The following TSPEAR variants were observed in gnomAD, a reference collection of about 807,000 sequenced individuals.
TSPEAR encodes thrombospondin-type laminin G domain and EAR repeat-containing protein.
Under a neutral mutation model 71.6 loss-of-function variants are expected in TSPEAR, and 69 were observed. The observed-to-expected ratio is 0.96, with a 90% CI of 0.79 to 1.18. TSPEAR has a LOEUF of 1.18. TSPEAR is among the 50% of genes most tolerant of loss of function. TSPEAR has a pLI of 0.00. For synonymous variants in TSPEAR, 402 were observed against 387.2 expected (o/e 1.04, Z -0.45); for missense variants, 971 against 894.9 (o/e 1.09, Z -1.09).
intron 1 of TSPEAR, among the ~76,000 whole-genome samples, chr21:44,709,213 T>G (rs532365115): frequency 6.6e-6 from 1 of 151,410 alleles, no homozygotes; most frequent in South Asian, 2.1e-4. Flanking sequence ...GTGAAGTGGG[T>G]TGCTCTGAAT....
At chr21:44,657,992 A>G (rs781836775) in intron 1 of TSPEAR, 1 of 1,613,282 alleles carries the variant, frequency 6.2e-7, no homozygotes, top group East Asian at 2.2e-5. Flanking sequence ...GTGCCACACC[A>G]GCTGCTCCCC....
chr21:44,508,024 A>G (rs781844810), intron 10 of TSPEAR: 5 of 152,212 alleles, frequency 3.3e-5, no homozygotes, highest in African/African-American at 4.8e-5. Flanking sequence ...TAACATTGTC[A>G]TCCTTTGTAA....
intron 2 of TSPEAR, among the ~76,000 whole-genome samples, chr21:44,541,856 G>A (rs1392280660): frequency 6.6e-6 from 1 of 152,208 alleles, no homozygotes; most frequent in Non-Finnish European, 1.5e-5. Flanking sequence ...AGAAACAAAA[G>A]TGATCTCTTC....
chr21:44,709,469 C>A (rs1988104661), intron 1 of TSPEAR, among the ~76,000 whole-genome samples: 2 of 152,238 alleles, frequency 1.3e-5, no homozygotes, highest in Non-Finnish European at 2.9e-5. Context: ...CAAATGAGTC[C>A]TAGAAAGCGA....
intron 2 of TSPEAR, chr21:44,540,113 C>G (rs782657500): frequency 6.2e-7 from 1 of 1,613,712 alleles, no homozygotes. Flanking sequence ...GGAGTCGGAG[C>G]AAGCGCTGGA....
At chr21:44,521,624 C>T (rs587756544) in intron 9 of TSPEAR, among the ~76,000 whole-genome samples, 2 of 152,344 alleles carry the variant, frequency 1.3e-5, no homozygotes, top group East Asian at 1.9e-4. Flanking sequence ...AGCCAGGGTG[C>T]GCCTCCTGCC....
chr21:44,694,764 G>A (rs1388299252), intron 1 of TSPEAR, among the ~76,000 whole-genome samples: 1 of 152,178 alleles, frequency 6.6e-6, no homozygotes, highest in Non-Finnish European at 1.5e-5. Flanking sequence ...TGCACACAAG[G>A]CTGCAGGTTG....
chr21:44,538,666 G>A (rs760543214), intron 2 of TSPEAR, among the ~76,000 whole-genome samples: 2 of 152,162 alleles, frequency 1.3e-5, no homozygotes, highest in Non-Finnish European at 2.9e-5. Context: ...GCAGCTTCCC[G>A]GAAGGTGACC....
At chr21:44,502,024 C>T (rs1482959030) in intron 11 of TSPEAR, among the ~76,000 whole-genome samples, 1 of 152,190 alleles carries the variant, frequency 6.6e-6, no homozygotes, top group Non-Finnish European at 1.5e-5. Context: ...AGCTTAAAGA[C>T]AGGCAATTGG....
chr21:44,636,190 G>A (rs1555936628), intron 1 of TSPEAR, among the ~76,000 whole-genome samples: 1 of 152,202 alleles, frequency 6.6e-6, no homozygotes, highest in Non-Finnish European at 1.5e-5. Context: ...TGGATGCTGA[G>A]CTGAGCTGAG....
At chr21:44,544,885 T>G (rs2053276161) in intron 2 of TSPEAR, among the ~76,000 whole-genome samples, 1 of 152,082 alleles carries the variant, frequency 6.6e-6, no homozygotes, top group Admixed American at 6.5e-5. Flanking sequence ...ATCAAGAAGA[T>G]ATACCAATTG....
intron 1 of TSPEAR, among the ~76,000 whole-genome samples, chr21:44,621,984 G>C (rs1217893106): frequency 6.6e-6 from 1 of 151,766 alleles, no homozygotes; most frequent in Non-Finnish European, 1.5e-5. Context: ...ATTTTTTTTG[G>C]TCCCTTTACA....
chr21:44,575,524 G>A (rs985299265), intron 1 of TSPEAR, among the ~76,000 whole-genome samples: 5 of 152,238 alleles, frequency 3.3e-5, no homozygotes, highest in East Asian at 1.9e-4. Flanking sequence ...GGACATGGAC[G>A]CGGGGAGCCT....
At chr21:44,594,367 T>C (rs1980214975) in intron 1 of TSPEAR, among the ~76,000 whole-genome samples, 1 of 152,158 alleles carries the variant, frequency 6.6e-6, no homozygotes, top group Admixed American at 6.5e-5. Context: ...TGTGACCCCA[T>C]AGTACTCAGG....
chr21:44,506,018 C>A lies in TSPEAR; in HGVS notation c.1755-1137G>T, dbSNP rs140155372. ...GTGCTGTGGCCTCTGTGCCTGGTTT[C>A]TTCTCTCAGCATTGTGTCTTCAGCT... On this transcript the variant is annotated intron_variant, in intron 10 of 11. Coordinates refer to ENST00000323084, the MANE Select transcript of TSPEAR (RefSeq NM_144991.3). The surrounding 1 kb of genome is among the most constrained non-coding windows in gnomAD (Gnocchi z 4.2). Among the ~76,000 whole-genome samples the A allele has an allele frequency of 6.6e-6, 1 of 152,334 alleles. No homozygotes were observed. The highest frequency in any genetic ancestry group is 1.9e-4 in the East Asian group (1 of 5,174).
intron 4 of TSPEAR, 112 bp from the exon 5 acceptor site, chr21:44,530,066 G>C (rs1451709536): frequency 8.8e-7 from 1 of 1,139,168 alleles, no homozygotes; most frequent in Non-Finnish European, 1.2e-6. Flanking sequence ...CGGGTGGATG[G>C]AATCTAAGCT....
At position 44,654,452 on chromosome 21, in the gene TSPEAR, AG is replaced by A. The variant is rs1387904887; in HGVS notation, c.82+56980del. On this transcript the variant is annotated intron_variant, in intron 1 of 11. Coordinates refer to ENST00000323084, the MANE Select transcript of TSPEAR (RefSeq NM_144991.3). Reference sequence around the variant, plus strand: ...GGCACACAGCAGGCTGGCTGGCAGCAGGTGGATACCCCACACAGGGGCCGGC... The same window carrying A: ...GGCACACAGCAGGCTGGCTGGCAGCAGTGGATACCCCACACAGGGGCCGGC... 1.9e-6 allele frequency: 3 copies of A among 1,613,958 alleles called. No individual in the cohort carries two copies. The African/African-American group carries it at 4.0e-5, about 22-fold the overall frequency.
intron 1 of TSPEAR, among the ~76,000 whole-genome samples, chr21:44,602,814 C>A (rs1320699679): frequency 6.6e-6 from 1 of 152,184 alleles, no homozygotes; most frequent in Admixed American, 6.5e-5. Context: ...AAAGCTGAGC[C>A]TGGTGCCCCT....
intron 2 of TSPEAR, 46 bp downstream of exon 2, chr21:44,567,739 G>C: frequency 6.7e-7 from 1 of 1,493,358 alleles, no homozygotes; most frequent in South Asian, 1.3e-5. Context: ...ACCTCACAAG[G>C]GAAAATTACG....
Sources: gnomAD v4.1 joint callset for allele counts (sites outside exome capture counted in the v4.1 genomes callset) on GRCh38, gnomAD v4.1.1 for gene constraint, Gnocchi (gnomAD v3.1) non-coding constraint, MANE v1.5 for transcripts, NCBI Gene and HGNC (gene_info 2026-07-23, HGNC 2026-07-21) for gene names.